SETD2: variants seen among roughly 807,000 people sequenced by gnomAD.
The protein encoded by SETD2 is SET domain containing 2, histone lysine methyltransferase.
A neutral mutation model predicts 242.1 loss-of-function variants in SETD2; 31 were observed. That is an observed-to-expected ratio of 0.13 (90% CI 0.10 to 0.17). SETD2 has a LOEUF of 0.17. Among genes scored for constraint, SETD2 ranks in the 10% least tolerant of loss-of-function variants. The pLI, the probability that SETD2 is intolerant of heterozygous loss-of-function variation, is 1.00. For missense variants in SETD2, 2,481 were observed against 3,046.3 expected, an observed-to-expected ratio of 0.81 and a Z score of 4.37; for synonymous variants, 1,006 against 1,066.5, an observed-to-expected ratio of 0.94 and a Z score of 1.11.
At chr3:47,156,196 T>C (rs2044123785) in intron 1 of SETD2, among the ~76,000 whole-genome samples, 1 of 152,190 alleles carries the variant, frequency 6.6e-6, no homozygotes, top group Non-Finnish European at 1.5e-5. Flanking sequence ...ACAATGCTCA[T>C]GGAACAATGA....
intron 9 of SETD2, among the ~76,000 whole-genome samples, chr3:47,090,634 C>T (rs1051985037): frequency 1.3e-5 from 2 of 152,110 alleles, no homozygotes; most frequent in Non-Finnish European, 2.9e-5. Context: ...TTGTGATCTG[C>T]CCGCCTCAGC....
intron 1 of SETD2, among the ~76,000 whole-genome samples, chr3:47,158,709 A>C (rs1190707574): frequency 1.3e-5 from 2 of 152,142 alleles, no homozygotes; most frequent in Non-Finnish European, 2.9e-5. Flanking sequence ...AGGGAGACAA[A>C]AGTTATATGC....
At chr3:47,088,381 C>T (rs1342756343) in intron 9 of SETD2, 134 bp from the exon 10 acceptor site, 1 of 778,696 alleles carries the variant, frequency 1.3e-6, no homozygotes, top group Non-Finnish European at 2.0e-6. Flanking sequence ...AAGTACTAGA[C>T]TGGGGGAAAA....
intron 17 of SETD2, chr3:47,041,268 T>C: frequency 3.0e-6 from 1 of 334,830 alleles, no homozygotes; most frequent in Non-Finnish European, 6.1e-6. Context: ...TGCATGGTTG[T>C]GCTCCAATAA....
rs764601835 is a variant in SETD2 at position 47,123,139 on chromosome 3, G to A, written c.1497C>T (p.Thr499=). Residue 499 remains threonine, a synonymous_variant, in exon 3 of 21, where the codon ACC becomes ACT. Transcript: ENST00000409792. ...SKSDRDCKTE[T]SYLEMERRGK... is the part of the protein sequence containing the mutation. The stretch of plus-strand genomic sequence containing the variant: ...CTCTTCTTTCCATCTCTAAGTAAGA[G>A]GTCTCAGTTTTACAGTCCCGATCAG... The A allele has an allele frequency of 6.2e-7, 1 of 1,613,358 alleles. No homozygotes were observed. Among genetic ancestry groups the A allele is most frequent in the South Asian group, 1.1e-5 (1 of 91,038 alleles).
intron 17 of SETD2, among the ~76,000 whole-genome samples, chr3:47,040,150 TG>T: frequency 6.6e-6 from 1 of 152,090 alleles, no homozygotes; most frequent in South Asian, 2.1e-4. Flanking sequence ...AACTAATTTT[TG>T]TATCTGGAGT....
At chr3:47,137,185 TTTTTA>T (rs985316887) in intron 1 of SETD2, among the ~76,000 whole-genome samples, 23 of 152,094 alleles carry the variant, frequency 1.5e-4, no homozygotes, top group African/African-American at 2.2e-4. Context: ...TTTATTATTA[TTTTTA>T]TTTTATTTTA....
Position 47,017,387 on chromosome 3 carries a change from T to C in SETD2, c.7534-133A>G. On this transcript the variant is annotated intron_variant, in intron 20 of 20. Coordinates refer to ENST00000409792, the MANE Select transcript of SETD2 (RefSeq NM_014159.7). The surrounding 1 kb of genome is among the most constrained non-coding windows in gnomAD (Gnocchi z 4.8). ...CCAAGACAGGAAGTTAATAAGGGGG[T>C]AGATGTTGGGGCAGGCTGGTGCTAT... 3 of 960,834 alleles carry C rather than the reference T, an allele frequency of 3.1e-6. No individual in the cohort carries two copies. The highest frequency in any genetic ancestry group is 3.1e-6 in the Non-Finnish European group (2 of 651,488). 59.5% of individuals were successfully genotyped at this position (960,834 alleles called of 1,614,324 possible).
intron 15 of SETD2, among the ~76,000 whole-genome samples, chr3:47,048,848 A>T (rs1203970778): frequency 6.6e-6 from 1 of 151,094 alleles, no homozygotes; most frequent in African/African-American, 2.4e-5. Context: ...TTTTTATTTT[A>T]GCAGAGACGG....
chr3:47,112,421 A>T (rs1395963486), intron 5 of SETD2, among the ~76,000 whole-genome samples: 1 of 151,986 alleles, frequency 6.6e-6, no homozygotes, highest in Non-Finnish European at 1.5e-5. Context: ...AACTGGGATT[A>T]TTGGTGCCTG....
At chr3:47,056,764 A>C in intron 15 of SETD2, 57 bp downstream of exon 15, 1 of 1,413,974 alleles carries the variant, frequency 7.1e-7, no homozygotes, top group Non-Finnish European at 9.8e-7. Context: ...ACCAGATTTA[A>C]CTAACATCCC....
At chr3:47,114,353 T>C (rs1316392559) in intron 4 of SETD2, among the ~76,000 whole-genome samples, 2 of 152,218 alleles carry the variant, frequency 1.3e-5, no homozygotes, top group African/African-American at 2.4e-5. Flanking sequence ...TAAGTGCACC[T>C]TCCCTTCCTT....
At chr3:47,045,050 C>T (rs1179971044) in intron 16 of SETD2, among the ~76,000 whole-genome samples, 4 of 152,186 alleles carry the variant, frequency 2.6e-5, no homozygotes, top group African/African-American at 9.7e-5. Flanking sequence ...ATAAGGGATA[C>T]TCAACCTGTA....
At chr3:47,043,444 T>C (rs1394913173) in intron 16 of SETD2, among the ~76,000 whole-genome samples, 2 of 152,172 alleles carry the variant, frequency 1.3e-5, no homozygotes, top group Admixed American at 1.3e-4. Flanking sequence ...AAACCAACAC[T>C]GCTGACACCT....
At chr3:47,154,710 T>C (rs1264302654) in intron 1 of SETD2, among the ~76,000 whole-genome samples, 1 of 152,100 alleles carries the variant, frequency 6.6e-6, no homozygotes, top group Non-Finnish European at 1.5e-5. Context: ...AAACAAAACA[T>C]TGGCCGGGCG....
chr3:47,082,060 T>G (rs2041338083), intron 12 of SETD2, among the ~76,000 whole-genome samples: 1 of 152,192 alleles, frequency 6.6e-6, no homozygotes, highest in African/African-American at 2.4e-5. Flanking sequence ...TTTGTAGGAC[T>G]CAAATGTGTG....
At position 47,120,650 on chromosome 3, in the gene SETD2, T is replaced by C; in HGVS notation, c.3986A>G (p.Asp1329Gly). 6.2e-7 allele frequency: 1 copy of C among 1,614,150 alleles called. No homozygotes were observed. The highest frequency in any genetic ancestry group is 8.5e-7 in the Non-Finnish European group (1 of 1,180,042). The change falls in exon 3 of 21, where the codon GAT becomes GGT. Residue 1329 changes from aspartate (D) to glycine (G), a missense_variant. Transcript: ENST00000409792. ...TTCTTCACGATCATCTGTTAGGGAA[T>C]CTGGTACTTGTCCTTGAGTTCGATC... ...VYDRTQGQVP[D>G]SLTDDREEEE...
intron 1 of SETD2, among the ~76,000 whole-genome samples, chr3:47,136,551 C>T (rs2043593553): frequency 6.6e-6 from 1 of 152,180 alleles, no homozygotes; most frequent in Non-Finnish European, 1.5e-5. Flanking sequence ...AGACCAAATA[C>T]TAAATGTTCT....
chr3:47,120,386 C>T lies in SETD2; in HGVS notation c.4250G>A (p.Ser1417Asn), dbSNP rs762132169. ...RRQEIESDSE[S>N]DGELQDRKKV... ...CTTTCTGTCCTGAAGCTCACCATCA[C>T]TTTCAGAATCACTCTCTATTTCCTG... Residue 1417 changes from serine to asparagine, a missense_variant, in exon 3 of 21, where the codon AGT becomes AAT. Physicochemically the swap from Ser to Asn is conservative, Grantham distance 46. Around this residue, in one of 17 missense-constraint regions of SETD2, gnomAD observed 1,300 missense variants for 1,259.2 expected, o/e 1.03. Transcript: ENST00000409792. 6.2e-7 allele frequency: 1 copy of T among 1,612,522 alleles called. No individual in the cohort carries two copies. Among genetic ancestry groups the T allele is most frequent in the Non-Finnish European group, 8.5e-7 (1 of 1,179,516 alleles).
Sources: allele counts gnomAD v4.1 joint callset (sites outside exome capture counted in the v4.1 genomes callset), GRCh38; gene constraint gnomAD v4.1.1; regional missense constraint gnomAD v4.1.1; non-coding constraint Gnocchi (gnomAD v3.1); transcripts MANE v1.5; gene names NCBI Gene and HGNC (gene_info 2026-07-23, HGNC 2026-07-21).